WBP1L: variants seen among roughly 807,000 people sequenced by gnomAD.
WBP1L encodes WW domain binding protein 1 like.
Under a neutral mutation model 33.7 loss-of-function variants are expected in WBP1L, and 17 were observed. The ratio of observed to expected loss-of-function variants is 0.50; its 90% CI spans 0.34 to 0.76. The LOEUF (loss-of-function observed/expected upper bound fraction) is 0.76, where lower values mean the gene tolerates loss of function less well. WBP1L is among the 30% of genes least tolerant of loss of function. The pLI, the probability that WBP1L is intolerant of heterozygous loss-of-function variation, is 0.01. For missense variants in WBP1L, 389 were observed against 469.4 expected (o/e 0.83, Z 1.58); for synonymous variants, 173 against 190.8 (o/e 0.91, Z 0.77).
chr10:102,759,544 A>G (rs531874683), intron 1 of WBP1L, among the ~76,000 whole-genome samples: 35 of 152,282 alleles, frequency 2.3e-4, no homozygotes, highest in African/African-American at 7.5e-4. Context: ...TTAATACTCC[A>G]TTTTATAGAT....
intron 1 of WBP1L, among the ~76,000 whole-genome samples, chr10:102,747,991 T>A (rs1010516370): frequency 1.7e-4 from 26 of 152,104 alleles, no homozygotes; most frequent in African/African-American, 4.8e-4. Context: ...GCACGGTGGC[T>A]CACACCTGTA....
intron 1 of WBP1L, among the ~76,000 whole-genome samples, chr10:102,751,342 C>T (rs540332664): frequency 9.9e-4 from 138 of 140,052 alleles, no homozygotes; most frequent in African/African-American, 3.5e-3. Flanking sequence ...TTTTGAGACA[C>T]GATCTCCCTC....
intron 2 of WBP1L, among the ~76,000 whole-genome samples, chr10:102,803,215 G>T (rs1843682915): frequency 6.6e-6 from 1 of 152,196 alleles, no homozygotes; most frequent in African/African-American, 2.4e-5. Flanking sequence ...TTCCACTGTG[G>T]CAGTGGCAGG....
intron 3 of WBP1L, 23 bp downstream of exon 3, chr10:102,810,077 AC>A: frequency 6.3e-7 from 1 of 1,588,892 alleles, no homozygotes. Context: ...AAGCCCCCAT[AC>A]CCACCCTCAG....
intron 1 of WBP1L, among the ~76,000 whole-genome samples, chr10:102,784,583 A>G (rs1046041911): frequency 7.4e-5 from 11 of 149,632 alleles, no homozygotes; most frequent in South Asian, 4.2e-4. Flanking sequence ...CCGCCACCAC[A>G]CCCGGCTAAT....
chr10:102,806,223 A>AT (rs1843732941), intron 2 of WBP1L, among the ~76,000 whole-genome samples: 1 of 126,354 alleles, frequency 7.9e-6, no homozygotes, highest in Non-Finnish European at 1.8e-5. Context: ...AAATAAATAA[A>AT]TAACAATAAA....
intron 1 of WBP1L, among the ~76,000 whole-genome samples, chr10:102,761,134 T>TTC (rs1843034743): frequency 6.7e-6 from 1 of 149,930 alleles, no homozygotes; most frequent in African/African-American, 2.5e-5. Context: ...TTTTTTTTTT[T>TTC]TTTTCTTTTC....
At position 102,792,687 on chromosome 10, in the gene WBP1L, C is replaced by T. The variant is rs190959905; in HGVS notation, c.91-5306C>T. Among the ~76,000 whole-genome samples, 546 of 151,432 alleles carry T rather than the reference C, an allele frequency of 3.6e-3. 2 individuals carry two copies. Among genetic ancestry groups the T allele is most frequent in the Non-Finnish European group, 5.8e-3 (392 of 67,892 alleles). Reference sequence around the variant, plus strand: ...TCAGCTCACCACAGCCTCCACCTCCCGGGTTCAAGCGATTCTTCTGCCTCA... The same window carrying T: ...TCAGCTCACCACAGCCTCCACCTCCTGGGTTCAAGCGATTCTTCTGCCTCA... On this transcript the variant is annotated intron_variant, in intron 1 of 3. Transcript: ENST00000448841.
chr10:102,758,741 T>A (rs1211021136), intron 1 of WBP1L, among the ~76,000 whole-genome samples: 2 of 152,088 alleles, frequency 1.3e-5, no homozygotes, highest in Admixed American at 1.3e-4. Context: ...CTGGGCTTGC[T>A]GAGATTTATT....
At chr10:102,788,914 A>G (rs895244733) in intron 1 of WBP1L, among the ~76,000 whole-genome samples, 5 of 152,178 alleles carry the variant, frequency 3.3e-5, no homozygotes, top group Non-Finnish European at 7.4e-5. Context: ...AAAGCCAACA[A>G]TGAATTCATA....
intron 1 of WBP1L, among the ~76,000 whole-genome samples, chr10:102,755,357 A>G (rs2134027746): frequency 6.6e-6 from 1 of 152,116 alleles, no homozygotes; most frequent in South Asian, 2.1e-4. Flanking sequence ...CCTGGCCTCA[A>G]GTGTTCCTTC....
chr10:102,777,668 G>A (rs1158673455), intron 1 of WBP1L, among the ~76,000 whole-genome samples: 3 of 142,556 alleles, frequency 2.1e-5, no homozygotes, highest in African/African-American at 7.8e-5. Flanking sequence ...GGGTTCAAGC[G>A]ATTCTCCTGC....
chr10:102,812,507 G>T, intron 3 of WBP1L, 88 bp from the exon 4 acceptor site: 1 of 1,443,296 alleles, frequency 6.9e-7, no homozygotes, highest in Admixed American at 2.4e-5. Context: ...GGTGGGAAGA[G>T]ACAATGCAAA....
At chr10:102,756,516 C>G (rs1446943447) in intron 1 of WBP1L, among the ~76,000 whole-genome samples, 1 of 152,008 alleles carries the variant, frequency 6.6e-6, no homozygotes, top group Non-Finnish European at 1.5e-5. Context: ...GTAGATACTC[C>G]TCTGATTTCT....
rs773915383 is a variant in WBP1L at position 102,812,773 on chromosome 10, G to C, written c.534G>C (p.Gln178His). The change falls in exon 4 of 4, where the codon CAG becomes CAC. Residue 178 changes from glutamine to histidine, a missense_variant. Gln to His is a conservative substitution (Grantham distance 24). Coordinates refer to ENST00000448841, the MANE Select transcript of WBP1L (RefSeq NM_001083913.2). Reference protein sequence around the residue: ...IDPTRGSQGAQSSPLSEPSRS... With the variant: ...IDPTRGSQGAHSSPLSEPSRS... ...CCACCAGGGGATCCCAGGGGGCACA[G>C]AGCAGCCCCTTGTCTGAGCCCAGCA... The C allele has an allele frequency of 1.2e-5, 20 of 1,612,328 alleles. No homozygotes were observed. The South Asian group carries it at 2.2e-4, about 18-fold the overall frequency.
chr10:102,793,874 T>TCCTCCCACCTCAG (rs1460832967), intron 1 of WBP1L, among the ~76,000 whole-genome samples: 4 of 151,960 alleles, frequency 2.6e-5, no homozygotes, highest in Non-Finnish European at 5.9e-5. Flanking sequence ...GCTCAAGCAG[T>TCCTCCCACCTCAG]CCTCCCACCT....
chr10:102,815,927 C>G lies in WBP1L; in HGVS notation c.*2596C>G, dbSNP rs1007580603. ...ACAGTTTGGCCCCCGCTACAGGATG[C>G]TGCCCTGCTCAGAGAGAGATTTAAT... On this transcript the variant is annotated 3_prime_UTR_variant, in exon 4 of 4. Coordinates refer to ENST00000448841, the MANE Select transcript of WBP1L (RefSeq NM_001083913.2). 5.9e-5 allele frequency: 9 copies of G among 152,700 alleles called. No individual in the cohort carries two copies. In the East Asian group the frequency reaches 1.5e-3, roughly 26 times the overall value. The allele number at this position is 152,700 out of a possible 1,614,324, so 9.5% of individuals were successfully genotyped here.
At chr10:102,784,743 TAG>T (rs1047557770) in intron 1 of WBP1L, among the ~76,000 whole-genome samples, 2 of 151,696 alleles carry the variant, frequency 1.3e-5, no homozygotes, top group Admixed American at 6.6e-5. Context: ...AAATTTTTAA[TAG>T]AGATGAGGTC....
At chr10:102,798,176 C>A in intron 2 of WBP1L, 81 bp downstream of exon 2, 3 of 1,232,758 alleles carry the variant, frequency 2.4e-6, no homozygotes, top group Non-Finnish European at 3.6e-6. Flanking sequence ...TGGGCATTAG[C>A]CCTTTTCGGA....
Sources: allele counts gnomAD v4.1 joint callset (sites outside exome capture counted in the v4.1 genomes callset), GRCh38; gene constraint gnomAD v4.1.1; transcripts MANE v1.5; gene names NCBI Gene and HGNC (gene_info 2026-07-23, HGNC 2026-07-21).